PLEKHH2: variants seen among roughly 807,000 people sequenced by gnomAD.
The protein encoded by PLEKHH2 is pleckstrin homology, MyTH4 and FERM domain containing H2, also known as pleckstrin homology domain-containing family H member 2.
PLEKHH2 carries 129 observed loss-of-function variants against 187.9 expected under a neutral mutation model. That is an observed-to-expected ratio of 0.69 (90% CI 0.59 to 0.79). The LOEUF is 0.79. PLEKHH2 is among the 30% of genes least tolerant of loss of function. PLEKHH2 has a pLI of 0.00. For synonymous variants in PLEKHH2, 686 were observed against 605.6 expected, an observed-to-expected ratio of 1.13 and a Z score of -1.95; for missense variants, 2,076 against 1,751.2, an observed-to-expected ratio of 1.19 and a Z score of -3.31.
intron 17 of PLEKHH2, 40 bp downstream of exon 17, chr2:43,726,491 C>G: frequency 1.3e-6 from 2 of 1,490,372 alleles, no homozygotes; most frequent in Non-Finnish European, 1.9e-6. Flanking sequence ...ATGATGTAGA[C>G]TAATATTATT....
chr2:43,729,667 G>T lies in PLEKHH2; in HGVS notation c.2752G>T (p.Ala918Ser), dbSNP rs1670942982. 1 of 1,607,768 alleles carries T rather than the reference G, an allele frequency of 6.2e-7. No homozygotes were observed. Among genetic ancestry groups the T allele is most frequent in the Non-Finnish European group, 8.5e-7 (1 of 1,177,782 alleles). ...DTWLYHLTVA[A>S]GSNNVNVGSE... ...TTGGCTTTATCATCTGACTGTTGCA[G>T]CTGGAAGCAACAATGTAAACGTTGG... The change falls in exon 18 of 30, where the codon GCT (alanine) becomes TCT (serine). Residue 918 changes from alanine (A) to serine (S), a missense_variant. Ala to Ser is a moderately conservative substitution (Grantham distance 99). Transcript: ENST00000282406.
chr2:43,762,293 C>A lies in PLEKHH2; in HGVS notation c.4072-11C>A, dbSNP rs778901972. The stretch of plus-strand genomic sequence containing the variant: ...GTATTTATAATATAGTGTATTTTCA[C>A]CTCTTCATAGCCCATAACTCCATCA... On this transcript the variant is annotated splice_polypyrimidine_tract_variant and intron_variant, in intron 27 of 29. Transcript: ENST00000282406. The A allele has an allele frequency of 1.9e-6, 3 of 1,592,794 alleles. No homozygotes were observed. Among genetic ancestry groups the A allele is most frequent in the South Asian group, 1.1e-5 (1 of 90,460 alleles).
chr2:43,710,838 G>A (rs911190768), intron 14 of PLEKHH2: 47 of 1,218,570 alleles, frequency 3.9e-5, no homozygotes, highest in Middle Eastern at 3.2e-4. Context: ...AATCTCCTAG[G>A]TATTTTCAGC....
At position 43,700,439 on chromosome 2, in the gene PLEKHH2, G is replaced by C; in HGVS notation, c.1481G>C (p.Gly494Ala). ...GAAACTGATCTTGATCTAGTTGATG[G>C]AGACAGTACAGAAGTTTTAGAGAAT... ...PQETDLDLVD[G>A]DSTEVLENMD... Residue 494 changes from glycine to alanine, a missense_variant, in exon 8 of 30, where the codon GGA becomes GCA. Physicochemically the swap from Gly to Ala is moderately conservative, Grantham distance 60. Transcript: ENST00000282406. The C allele has an allele frequency of 6.2e-7, 1 of 1,614,068 alleles. No homozygotes were observed. The highest frequency in any genetic ancestry group is 1.1e-5 in the South Asian group (1 of 91,068).
intron 2 of PLEKHH2, among the ~76,000 whole-genome samples, chr2:43,656,159 G>T (rs930826825): frequency 1.3e-5 from 2 of 152,028 alleles, no homozygotes; most frequent in African/African-American, 2.4e-5. Context: ...ATTTTGCCAT[G>T]TTGGCCAGGT....
At position 43,715,188 on chromosome 2, in the gene PLEKHH2, A is replaced by G. The variant is rs569014188; in HGVS notation, c.2460+2805A>G. Among the ~76,000 whole-genome samples the G allele has an allele frequency of 5.3e-5, 8 of 152,232 alleles. 1 individual carries two copies. In the South Asian group the frequency reaches 1.7e-3, roughly 32 times the overall value. On this transcript the variant is annotated intron_variant, in intron 15 of 29. Coordinates refer to ENST00000282406, the MANE Select transcript of PLEKHH2 (RefSeq NM_172069.4). ...CTACTCGGGAGGCTGAGGCAGGAGA[A>G]TCGCCTGAACTTGAGAGATGGAGGT...
intron 3 of PLEKHH2, among the ~76,000 whole-genome samples, chr2:43,689,242 G>A (rs1030296034): frequency 6.6e-6 from 1 of 152,198 alleles, no homozygotes; most frequent in Non-Finnish European, 1.5e-5. Flanking sequence ...GGGACCTTGG[G>A]ATCAAGAAGG....
At chr2:43,715,613 A>G (rs74641033) in intron 15 of PLEKHH2, among the ~76,000 whole-genome samples, 2,087 of 152,312 alleles carry the variant, frequency 0.014, 62 homozygotes, top group African/African-American at 0.048. Flanking sequence ...ATGAATTTAA[A>G]TAATGGTAAG....
chr2:43,722,729 T>C (rs1670542169), intron 16 of PLEKHH2, among the ~76,000 whole-genome samples: 1 of 152,220 alleles, frequency 6.6e-6, no homozygotes, highest in African/African-American at 2.4e-5. Flanking sequence ...GTAATATGGA[T>C]GGTTTCTTTC....
chr2:43,699,901 G>T lies in PLEKHH2; in HGVS notation c.943G>T (p.Val315Phe). The T allele has an allele frequency of 6.2e-7, 1 of 1,614,134 alleles. No homozygotes were observed. The highest frequency in any genetic ancestry group is 8.5e-7 in the Non-Finnish European group (1 of 1,180,008). The part of the protein sequence containing the change: ...TLSSHTSEEG[V>F]QCSRMGSEMY... ...CTCCAGTCACACATCTGAGGAAGGGGTCCAGTGTAGCAGGATGGGAAGTGA... is the reference window on the plus strand; with the variant it reads ...CTCCAGTCACACATCTGAGGAAGGGTTCCAGTGTAGCAGGATGGGAAGTGA... Residue 315 changes from valine to phenylalanine, a missense_variant, in exon 8 of 30, where the codon GTC (valine) becomes TTC (phenylalanine). Transcript: ENST00000282406.
chr2:43,734,765 G>T (rs906194668), intron 19 of PLEKHH2, among the ~76,000 whole-genome samples: 6 of 152,160 alleles, frequency 3.9e-5, no homozygotes, highest in Non-Finnish European at 8.8e-5. Context: ...CCAAATGAAA[G>T]TAAGTCAGTA....
chr2:43,703,896 A>T, intron 8 of PLEKHH2, 85 bp from the exon 9 acceptor site: 1 of 842,380 alleles, frequency 1.2e-6, no homozygotes, highest in Non-Finnish European at 1.9e-6. Flanking sequence ...CAAATGAAAA[A>T]CATGTGTATT....
chr2:43,699,539 A>C (rs1669250824), intron 7 of PLEKHH2, 108 bp from the exon 8 acceptor site: 2 of 1,382,846 alleles, frequency 1.4e-6, no homozygotes, highest in African/African-American at 1.5e-5. Context: ...CACTGCACCC[A>C]GCAAATTTCT....
chr2:43,762,685 G>T (rs1424167375), intron 28 of PLEKHH2, among the ~76,000 whole-genome samples: 1 of 152,138 alleles, frequency 6.6e-6, no homozygotes, highest in Non-Finnish European at 1.5e-5. Context: ...TAAGAAGATT[G>T]TTTCCTGTGT....
intron 2 of PLEKHH2, chr2:43,676,001 A>C (rs1667751637): frequency 6.2e-7 from 1 of 1,613,862 alleles, no homozygotes; most frequent in Admixed American, 1.7e-5. Context: ...ATATTGAACA[A>C]ATTATCATTT....
intron 11 of PLEKHH2, 101 bp downstream of exon 11, chr2:43,707,646 T>G: frequency 7.1e-7 from 1 of 1,401,942 alleles, no homozygotes; most frequent in Non-Finnish European, 9.7e-7. Flanking sequence ...ATCCAAGAAC[T>G]TGCTTCAGAC....
rs1672461375 is a variant in PLEKHH2 at position 43,762,353 on chromosome 2, A to T, written c.4121A>T (p.His1374Leu). 6.2e-7 allele frequency: 1 copy of T among 1,613,290 alleles called. No homozygotes were observed. The highest frequency in any genetic ancestry group is 1.3e-5 in the African/African-American group (1 of 74,998). Residue 1374 changes from histidine to leucine, a missense_variant, in exon 28 of 30, where the codon CAT (histidine) becomes CTT (leucine). Coordinates refer to ENST00000282406, the MANE Select transcript of PLEKHH2 (RefSeq NM_172069.4). ...AGTACTTTCTTGTGGCTGGCTGTAC[A>T]TGAGGATGGTTTAAGCCTCTTAGAA... ...LGSTFLWLAV[H>L]EDGLSLLEYN... is the part of the protein sequence containing the mutation.
chr2:43,730,038 C>T (rs191642081), intron 18 of PLEKHH2, among the ~76,000 whole-genome samples: 1 of 152,218 alleles, frequency 6.6e-6, no homozygotes, highest in East Asian at 1.9e-4. Context: ...GAAACCCCAC[C>T]TAGCCTTAGG....
At chr2:43,694,608 G>C in intron 5 of PLEKHH2, 94 bp downstream of exon 5, 1 of 1,322,908 alleles carries the variant, frequency 7.6e-7, no homozygotes, top group Non-Finnish European at 1.0e-6. Context: ...GTAAAACAAA[G>C]AATTTTGATC....
Sources: gnomAD v4.1 joint callset for allele counts (sites outside exome capture counted in the v4.1 genomes callset) on GRCh38, gnomAD v4.1.1 for gene constraint, MANE v1.5 for transcripts, NCBI Gene and HGNC (gene_info 2026-07-23, HGNC 2026-07-21) for gene names.